Variants in NR3C2 observed in about 807,000 individuals in gnomAD.
NR3C2 encodes the protein nuclear receptor subfamily 3 group C member 2.
Under a neutral mutation model 86.4 loss-of-function variants are expected in NR3C2, and 15 were observed. That is an observed-to-expected ratio of 0.17 (90% CI 0.12 to 0.27). NR3C2 has a LOEUF of 0.27. Among genes scored for constraint, NR3C2 ranks in the 10% least tolerant of loss-of-function variants. The probability of loss-of-function intolerance (pLI) is 1.00; values close to 1 mark genes in which losing one functional copy is unlikely to be tolerated. For missense variants in NR3C2, 960 were observed against 1,195.6 expected (o/e 0.80, Z 2.91); for synonymous variants, 458 against 450.5 (o/e 1.02, Z -0.21).
intron 3 of NR3C2, among the ~76,000 whole-genome samples, chr4:148,209,374 G>C (rs1363365405): frequency 6.6e-6 from 1 of 152,162 alleles, no homozygotes; most frequent in Non-Finnish European, 1.5e-5. Flanking sequence ...CAACCTTCTG[G>C]GCTCAAGCAA....
At chr4:148,313,242 C>CA (rs1490109176) in intron 2 of NR3C2, among the ~76,000 whole-genome samples, 2 of 152,112 alleles carry the variant, frequency 1.3e-5, no homozygotes, top group Non-Finnish European at 2.9e-5. Flanking sequence ...AAAACACACA[C>CA]AAAAAACACA....
At chr4:148,276,402 C>T (rs1175839061) in intron 2 of NR3C2, among the ~76,000 whole-genome samples, 1 of 152,058 alleles carries the variant, frequency 6.6e-6, no homozygotes, top group Non-Finnish European at 1.5e-5. Flanking sequence ...TTGATGTAGA[C>T]TCAGAATACA....
In NR3C2 at chr4:148,435,251, C is replaced by T. The variant is rs5526; in HGVS notation, c.1610G>A (p.Arg537Gln). 1.5e-5 allele frequency: 24 copies of T among 1,614,038 alleles called. No individual in the cohort carries two copies. Among genetic ancestry groups the T allele is most frequent in the African/African-American group, 4.0e-5 (3 of 74,918 alleles). The change falls in exon 2 of 9, where the codon CGA becomes CAA. Residue 537 changes from arginine to glutamine, a missense_variant. This residue lies in a region of NR3C2 where 680 missense variants were observed against 719.0 expected (regional missense o/e 0.95). Transcript: ENST00000358102. The stretch of plus-strand genomic sequence containing the variant: ...TTGGAAAGATTGGTCTCTAGCCGAT[C>T]GTGATAAAGATATTGTACCTTGAGC... Reference protein sequence around the residue: ...IGAQGTISLSRSARDQSFQHL... With the variant: ...IGAQGTISLSQSARDQSFQHL...
chr4:148,444,903 G>T, upstream of NR3C2: 1 of 984,984 alleles, frequency 1.0e-6, no homozygotes, highest in Non-Finnish European at 1.2e-6. Context: ...GCTCCGCAGC[G>T]CCACTCTCCG....
chr4:148,157,967 A>C (rs1316154224), intron 4 of NR3C2, among the ~76,000 whole-genome samples: 2 of 152,254 alleles, frequency 1.3e-5, no homozygotes, highest in East Asian at 3.8e-4. Context: ...AAGATGAATA[A>C]GACATAACTA....
chr4:148,293,297 T>A (rs1741884430), intron 2 of NR3C2, among the ~76,000 whole-genome samples: 2 of 152,206 alleles, frequency 1.3e-5, no homozygotes, highest in Admixed American at 1.3e-4. Flanking sequence ...CACTTGGGCA[T>A]GTGCAGGGAA....
At chr4:148,156,606 C>T (rs972451919) in intron 4 of NR3C2, among the ~76,000 whole-genome samples, 37 of 152,144 alleles carry the variant, frequency 2.4e-4, no homozygotes, top group African/African-American at 8.9e-4. Context: ...CACAATGAGA[C>T]ACCATCTCAC....
chr4:148,089,565 T>C (rs993704963), intron 8 of NR3C2, among the ~76,000 whole-genome samples: 2 of 152,252 alleles, frequency 1.3e-5, no homozygotes, highest in African/African-American at 4.8e-5. Flanking sequence ...TTTCCCTCTA[T>C]GGAACACAGT....
chr4:148,211,659 T>C (rs971583012), intron 3 of NR3C2, among the ~76,000 whole-genome samples: 8 of 152,148 alleles, frequency 5.3e-5, no homozygotes, highest in African/African-American at 1.9e-4. Context: ...TCAGATCAAG[T>C]TACGTGAAAT....
At chr4:148,419,226 G>T (rs745680666) in intron 2 of NR3C2, among the ~76,000 whole-genome samples, 38 of 151,816 alleles carry the variant, frequency 2.5e-4, no homozygotes, top group Admixed American at 2.0e-4. Flanking sequence ...AACTATAAAT[G>T]TTCTATTGGT....
At chr4:148,437,997 AT>A (rs1214444465) in intron 1 of NR3C2, among the ~76,000 whole-genome samples, 1 of 152,258 alleles carries the variant, frequency 6.6e-6, no homozygotes, top group African/African-American at 2.4e-5. Flanking sequence ...TCTTGCATAT[AT>A]TAATTCATTT....
At chr4:148,328,706 G>A (rs1744084026) in intron 2 of NR3C2, among the ~76,000 whole-genome samples, 1 of 152,170 alleles carries the variant, frequency 6.6e-6, no homozygotes, top group Non-Finnish European at 1.5e-5. Flanking sequence ...ATACAGAACT[G>A]TATTCAACTC....
At chr4:148,284,091 A>G (rs1177675579) in intron 2 of NR3C2, among the ~76,000 whole-genome samples, 1 of 152,194 alleles carries the variant, frequency 6.6e-6, no homozygotes, top group Non-Finnish European at 1.5e-5. Flanking sequence ...GTGGGGGCCT[A>G]ATGGAGCACG....
At chr4:148,166,614 C>A (rs760723920) in intron 4 of NR3C2, among the ~76,000 whole-genome samples, 2 of 152,104 alleles carry the variant, frequency 1.3e-5, no homozygotes, top group Non-Finnish European at 2.9e-5. Context: ...CATACCCTAC[C>A]ACCCTAAAGG....
intron 6 of NR3C2, among the ~76,000 whole-genome samples, chr4:148,122,183 C>T (rs943335737): frequency 6.6e-6 from 1 of 152,142 alleles, no homozygotes; most frequent in South Asian, 2.1e-4. Flanking sequence ...AATGTTTACT[C>T]ATCATTTGGG....
intron 2 of NR3C2, among the ~76,000 whole-genome samples, chr4:148,424,435 G>T (rs13118022): frequency 0.5 from 76,386 of 152,000 alleles, 21,511 homozygotes; most frequent in East Asian, 0.69. Context: ...TCCACTCCTA[G>T]GTTTTTACTG....
In NR3C2 at chr4:148,152,452, A is replaced by C; in HGVS notation, c.2510+17T>G. On this transcript the variant is annotated intron_variant, in intron 6 of 8. Transcript: ENST00000358102. Reference sequence around the variant, plus strand: ...CTCTGCAGTTTATTTTATGAAGGCTAATTAATAGGTACTTACTCATTAAAG... The same window carrying C: ...CTCTGCAGTTTATTTTATGAAGGCTCATTAATAGGTACTTACTCATTAAAG... 9 of 1,611,558 alleles carry C rather than the reference A, an allele frequency of 5.6e-6. No individual in the cohort carries two copies. Among genetic ancestry groups the C allele is most frequent in the Non-Finnish European group, 7.6e-6 (9 of 1,177,964 alleles).
At chr4:148,411,985 C>T (rs920879708) in intron 2 of NR3C2, among the ~76,000 whole-genome samples, 36 of 152,224 alleles carry the variant, frequency 2.4e-4, no homozygotes, top group African/African-American at 8.4e-4. Flanking sequence ...AGAGGGTTTC[C>T]GGGTTGGTCA....
upstream of NR3C2, among the ~76,000 whole-genome samples, chr4:148,443,222 C>CAAAAAAAAA (rs59506438): frequency 1.7e-3 from 71 of 40,990 alleles, 2 homozygotes; most frequent in African/African-American, 3.9e-3. Flanking sequence ...CCCCTAACAC[C>CAAAAAAAAA]AAAAAAAAAA....
Sources: allele counts gnomAD v4.1 joint callset (sites outside exome capture counted in the v4.1 genomes callset), GRCh38; gene constraint gnomAD v4.1.1; regional missense constraint gnomAD v4.1.1; transcripts MANE v1.5; gene names NCBI Gene and HGNC (gene_info 2026-07-23, HGNC 2026-07-21).